VPS13D: variants seen among roughly 807,000 people sequenced by gnomAD.
VPS13D encodes the protein vacuolar protein sorting 13 homolog D.
VPS13D carries 187 observed loss-of-function variants against 461.9 expected under a neutral mutation model. That is an observed-to-expected ratio of 0.40 (90% CI 0.36 to 0.46). VPS13D has a LOEUF of 0.46. VPS13D is among the 20% of genes least tolerant of loss of function. The pLI is 0.60. For synonymous variants in VPS13D, 1,951 were observed against 1,986.3 expected (o/e 0.98, Z 0.47); for missense variants, 4,711 against 5,364.9 (o/e 0.88, Z 3.81).
intron 5 of VPS13D, among the ~76,000 whole-genome samples, chr1:12,246,556 G>A (rs902441130): frequency 3.3e-5 from 5 of 152,176 alleles, no homozygotes; most frequent in African/African-American, 2.4e-5. Flanking sequence ...TAAGGGATAC[G>A]TGACCTGTAC....
intron 57 of VPS13D, among the ~76,000 whole-genome samples, chr1:12,381,912 C>CCTTCT (rs1644277483): frequency 1.8e-5 from 2 of 111,922 alleles, no homozygotes; most frequent in East Asian, 2.1e-4. Flanking sequence ...TTTTCTTTTT[C>CCTTCT]TTTCTTTTCT....
chr1:12,402,524 A>T lies in VPS13D; in HGVS notation c.11881+820A>T, dbSNP rs75752124. 1.8e-4 allele frequency: 27 copies of T among 152,376 alleles called. No individual in the cohort carries two copies. The East Asian group carries it at 5.2e-3, about 29-fold the overall frequency. 9.4% of individuals were successfully genotyped at this position (152,376 alleles called of 1,614,324 possible). ...GGAATGTGTGTACACATGTACATAC[A>T]TACACACAATGCAAGAAAAATATTT... On this transcript the variant is annotated intron_variant, in intron 62 of 69. Transcript: ENST00000620676.
At chr1:12,452,988 T>C (rs1645281913) in intron 65 of VPS13D, among the ~76,000 whole-genome samples, 1 of 152,156 alleles carries the variant, frequency 6.6e-6, no homozygotes. Context: ...GTAGGTACCT[T>C]TCCATGGCAA....
chr1:12,455,089 A>G (rs557932680), intron 65 of VPS13D, among the ~76,000 whole-genome samples: 30 of 152,272 alleles, frequency 2.0e-4, no homozygotes, highest in Non-Finnish European at 7.4e-5. Context: ...AAAATCTCTG[A>G]ATTGTGGAAA....
At chr1:12,273,382 G>A (rs1007287502) in intron 18 of VPS13D, among the ~76,000 whole-genome samples, 1 of 152,026 alleles carries the variant, frequency 6.6e-6, no homozygotes, top group South Asian at 2.1e-4. Flanking sequence ...AGACCTGAGG[G>A]TTCACTTGTT....
intron 63 of VPS13D, among the ~76,000 whole-genome samples, chr1:12,414,222 C>G (rs537542864): frequency 6.6e-6 from 1 of 151,442 alleles, no homozygotes; most frequent in East Asian, 1.9e-4. Context: ...AGGTCAAGGC[C>G]GCAGTGAGCT....
chr1:12,371,124 A>C (rs1359580653), intron 54 of VPS13D, among the ~76,000 whole-genome samples: 1 of 152,136 alleles, frequency 6.6e-6, no homozygotes, highest in East Asian at 1.9e-4. Context: ...GTACATTCAT[A>C]ATGTTGTGCC....
chr1:12,421,328 T>C (rs1644861372), intron 65 of VPS13D, among the ~76,000 whole-genome samples: 1 of 152,226 alleles, frequency 6.6e-6, no homozygotes, highest in African/African-American at 2.4e-5. Flanking sequence ...GAAGGTCTTC[T>C]CTGAATGTGA....
chr1:12,503,529 T>C (rs1363165440), intron 68 of VPS13D, among the ~76,000 whole-genome samples: 1 of 152,160 alleles, frequency 6.6e-6, no homozygotes, highest in Non-Finnish European at 1.5e-5. Flanking sequence ...AGTATAAAAA[T>C]CCTATTTTTT....
At chr1:12,426,582 A>G (rs1350327265) in intron 65 of VPS13D, among the ~76,000 whole-genome samples, 1 of 152,070 alleles carries the variant, frequency 6.6e-6, no homozygotes, top group African/African-American at 2.4e-5. Context: ...AGTTTGTCCT[A>G]TAGCTTTTCA....
intron 35 of VPS13D, among the ~76,000 whole-genome samples, chr1:12,326,879 A>G (rs1643204517): frequency 2.0e-5 from 3 of 152,106 alleles, no homozygotes; most frequent in Admixed American, 2.0e-4. Context: ...TCCTGACCTC[A>G]TGATCTGTCC....
rs1377403047 is a variant in VPS13D at position 12,415,534 on chromosome 1, C to T, written c.12165+313C>T. Among the ~76,000 whole-genome samples the T allele has an allele frequency of 2.0e-5, 3 of 151,180 alleles. No homozygotes were observed. In the Admixed American group the frequency reaches 2.0e-4, roughly 10 times the overall value. Reference sequence around the variant, plus strand: ...CAAAATAATGTTTTTATTTACCAGGCATGGGCCTTCTTTCAGCAACTACAC... The same window carrying T: ...CAAAATAATGTTTTTATTTACCAGGTATGGGCCTTCTTTCAGCAACTACAC... On this transcript the variant is annotated intron_variant, in intron 64 of 69. Coordinates refer to ENST00000620676, the MANE Select transcript of VPS13D (RefSeq NM_015378.4).
At chr1:12,256,259 C>G (rs1037759507) in intron 7 of VPS13D, 74 bp from the exon 8 acceptor site, 2 of 1,528,258 alleles carry the variant, frequency 1.3e-6, no homozygotes, top group African/African-American at 2.8e-5. Context: ...TGTCATAAAA[C>G]CCCAACATTG....
chr1:12,483,178 C>T (rs1024814230), intron 67 of VPS13D, among the ~76,000 whole-genome samples: 6 of 152,196 alleles, frequency 3.9e-5, no homozygotes, highest in African/African-American at 1.4e-4. Flanking sequence ...AGGACTGACT[C>T]CTCCAGCCGT....
intron 67 of VPS13D, among the ~76,000 whole-genome samples, chr1:12,466,404 C>G (rs72869508): frequency 0.043 from 6,541 of 152,242 alleles, 251 homozygotes; most frequent in Admixed American, 0.11. Flanking sequence ...AGGCAGGAGA[C>G]TAGGCTGATA....
At chr1:12,306,304 A>T (rs1642563657) in intron 26 of VPS13D, among the ~76,000 whole-genome samples, 4 of 152,184 alleles carry the variant, frequency 2.6e-5, no homozygotes. Context: ...TGAGGTAGTA[A>T]TGGAAGAGTT....
At position 12,283,252 on chromosome 1, in the gene VPS13D, A is replaced by C; in HGVS notation, c.5150A>C (p.Glu1717Ala). 1 of 1,614,170 alleles carries C rather than the reference A, an allele frequency of 6.2e-7. No homozygotes were observed. The highest frequency in any genetic ancestry group is 8.5e-7 in the Non-Finnish European group (1 of 1,180,020). ...TCTTGCCCCTCAGTGTCCAATGTGG[A>C]ATATCCTGATATGCCTCGGTCTCTC... is the stretch of plus-strand genomic sequence containing the variant. ...SQSCPSVSNV[E>A]YPDMPRSLPS... Residue 1717 changes from glutamate (E) to alanine (A), a missense_variant, in exon 21 of 70, where the codon GAA (glutamate) becomes GCA (alanine). Transcript: ENST00000620676.
chr1:12,311,349 T>A, intron 27 of VPS13D, 105 bp from the exon 28 acceptor site: 1 of 1,035,360 alleles, frequency 9.7e-7, no homozygotes. Flanking sequence ...ATTACCTACT[T>A]GATAATGTAG....
Position 12,277,771 on chromosome 1 carries a change from C to T in VPS13D, c.4183C>T (p.Pro1395Ser). ...VVSIPRKPGS[P>S]ELLVGHLGQI... ...TTCTATCCCTCGGAAGCCGGGGAGT[C>T]CTGAGTTGTTGGTGGGACACTTGGG... The change falls in exon 19 of 70, where the codon CCT (proline) becomes TCT (serine). Residue 1395 changes from proline (P) to serine (S), a missense_variant. Pro to Ser is a moderately conservative substitution (Grantham distance 74). This residue lies in a region of VPS13D where 4,411 missense variants were observed against 4,937.8 expected (regional missense o/e 0.89). Coordinates refer to ENST00000620676, the MANE Select transcript of VPS13D (RefSeq NM_015378.4). The T allele has an allele frequency of 6.2e-7, 1 of 1,614,184 alleles. No individual in the cohort carries two copies. The highest frequency in any genetic ancestry group is 8.5e-7 in the Non-Finnish European group (1 of 1,180,026).
Sources: allele counts gnomAD v4.1 joint callset (sites outside exome capture counted in the v4.1 genomes callset), GRCh38; gene constraint gnomAD v4.1.1; regional missense constraint gnomAD v4.1.1; transcripts MANE v1.5; gene names NCBI Gene and HGNC (gene_info 2026-07-23, HGNC 2026-07-21).